Variants in CLASP1 observed in about 807,000 individuals in gnomAD.
CLASP1 encodes cytoplasmic linker associated protein 1.
A neutral mutation model predicts 192.3 loss-of-function variants in CLASP1; 38 were observed. The ratio of observed to expected loss-of-function variants is 0.20; its 90% confidence interval spans 0.15 to 0.26. The LOEUF (loss-of-function observed/expected upper bound fraction) is 0.26, where lower values mean the gene tolerates loss of function less well. Among genes scored for constraint, CLASP1 ranks in the 10% least tolerant of loss-of-function variants. The probability of loss-of-function intolerance (pLI) is 1.00; values close to 1 mark genes in which losing one functional copy is unlikely to be tolerated. For missense variants in CLASP1, 1,433 were observed against 1,932.5 expected, an observed-to-expected ratio of 0.74 and a Z score of 4.85; for synonymous variants, 691 against 712.8, an observed-to-expected ratio of 0.97 and a Z score of 0.49.
At chr2:121,427,080 C>T (rs908644562) in intron 21 of CLASP1, among the ~76,000 whole-genome samples, 3 of 151,682 alleles carry the variant, frequency 2.0e-5, no homozygotes, top group Non-Finnish European at 1.5e-5. Context: ...AAATGAACCA[C>T]GTAGGTGAAT....
chr2:121,578,747 A>T (rs1220416919), intron 2 of CLASP1, among the ~76,000 whole-genome samples: 2 of 151,274 alleles, frequency 1.3e-5, no homozygotes, highest in Non-Finnish European at 2.9e-5. Flanking sequence ...AAAAAAAGTT[A>T]GACCTCTTTT....
intron 9 of CLASP1, among the ~76,000 whole-genome samples, chr2:121,469,023 A>G (rs894092877): frequency 1.1e-4 from 16 of 151,672 alleles, no homozygotes; most frequent in African/African-American, 3.9e-4. Context: ...GGTCCTTTGG[A>G]TGGGGTTTTT....
intron 8 of CLASP1, among the ~76,000 whole-genome samples, chr2:121,471,268 C>T (rs1181424307): frequency 2.6e-5 from 4 of 152,140 alleles, no homozygotes. Flanking sequence ...GGTGACAGAG[C>T]AAGACCCTGT....
chr2:121,558,255 C>T (rs774818160), intron 2 of CLASP1, among the ~76,000 whole-genome samples: 2 of 152,110 alleles, frequency 1.3e-5, no homozygotes, highest in Non-Finnish European at 2.9e-5. Context: ...GCCCAATGGA[C>T]TGGCCTGTCC....
At chr2:121,339,167 ACAC>A (rs1372241870) in exon 40 of CLASP1, 43 of 152,580 alleles carry the variant, frequency 2.8e-4, no homozygotes, top group East Asian at 1.9e-3. Flanking sequence ...ACACACACAC[ACAC>A]GTCAGCACCC....
At chr2:121,452,008 G>C (rs2085585261) in intron 14 of CLASP1, among the ~76,000 whole-genome samples, 159 bp from the exon 15 acceptor site, 2 of 152,108 alleles carry the variant, frequency 1.3e-5, no homozygotes, top group South Asian at 4.1e-4. Flanking sequence ...AATCAGAACT[G>C]ACTAAAAACC....
intron 2 of CLASP1, among the ~76,000 whole-genome samples, chr2:121,557,445 G>A (rs947707034): frequency 8.7e-5 from 13 of 150,188 alleles, no homozygotes; most frequent in Non-Finnish European, 1.8e-4. Context: ...TTAGCTGGGC[G>A]TGGTGGCAGG....
intron 14 of CLASP1, among the ~76,000 whole-genome samples, chr2:121,455,356 A>G (rs1168022641): frequency 6.6e-6 from 1 of 152,226 alleles, no homozygotes; most frequent in Non-Finnish European, 1.5e-5. Flanking sequence ...AACTCTCATG[A>G]TTATTGCAAG....
intron 2 of CLASP1, among the ~76,000 whole-genome samples, chr2:121,550,289 AAAAG>A (rs1487097956): frequency 1.3e-5 from 2 of 152,078 alleles, no homozygotes; most frequent in Admixed American, 1.3e-4. Flanking sequence ...TGCCAACATA[AAAAG>A]AAAGATTTCA....
chr2:121,396,690 T>A (rs992869119), intron 30 of CLASP1, among the ~76,000 whole-genome samples: 7 of 152,232 alleles, frequency 4.6e-5, no homozygotes, highest in African/African-American at 1.7e-4. Context: ...TACTCACATA[T>A]CACACATATA....
intron 22 of CLASP1, among the ~76,000 whole-genome samples, chr2:121,422,597 T>C (rs898014182): frequency 6.6e-6 from 1 of 152,174 alleles, no homozygotes; most frequent in Non-Finnish European, 1.5e-5. Flanking sequence ...CCTAGTCAGA[T>C]AGCTTATGAG....
chr2:121,459,947 T>C, intron 12 of CLASP1, 33 bp downstream of exon 12: 1 of 1,581,848 alleles, frequency 6.3e-7, no homozygotes, highest in South Asian at 1.1e-5. Context: ...GACACTATTT[T>C]ATGGTGAGAA....
At chr2:121,480,430 T>C (rs921660069) in intron 8 of CLASP1, among the ~76,000 whole-genome samples, 2 of 152,106 alleles carry the variant, frequency 1.3e-5, no homozygotes, top group Admixed American at 6.5e-5. Context: ...GCTACATAAC[T>C]TATAACCAGG....
At chr2:121,361,409 A>T (rs909969991) in intron 37 of CLASP1, among the ~76,000 whole-genome samples, 4 of 152,220 alleles carry the variant, frequency 2.6e-5, no homozygotes, top group African/African-American at 9.6e-5. Context: ...ATTATGGTTT[A>T]AAAAAGTTAG....
At chr2:121,599,083 G>A (rs997691247) in intron 2 of CLASP1, among the ~76,000 whole-genome samples, 3 of 151,606 alleles carry the variant, frequency 2.0e-5, no homozygotes, top group African/African-American at 2.4e-5. Flanking sequence ...CAGGCTGGTC[G>A]TGAACTCCTG....
chr2:121,593,507 T>C (rs947793741), intron 2 of CLASP1, among the ~76,000 whole-genome samples: 8 of 151,010 alleles, frequency 5.3e-5, no homozygotes, highest in Non-Finnish European at 1.0e-4. Context: ...TAATCCCAGC[T>C]ACTTGGGAGG....
chr2:121,587,763 G>A (rs569396043), intron 2 of CLASP1, among the ~76,000 whole-genome samples: 3 of 151,802 alleles, frequency 2.0e-5, no homozygotes, highest in East Asian at 1.9e-4. Context: ...CCCGGGAGGC[G>A]GAGGTTACAG....
chr2:121,408,739 C>T (rs995449926), intron 24 of CLASP1, among the ~76,000 whole-genome samples: 5 of 152,064 alleles, frequency 3.3e-5, no homozygotes, highest in South Asian at 2.1e-4. Flanking sequence ...GAAATCATGA[C>T]GACGTAAGAA....
intron 8 of CLASP1, among the ~76,000 whole-genome samples, chr2:121,495,816 GA>G (rs1331860266): frequency 6.6e-6 from 1 of 152,034 alleles, no homozygotes; most frequent in African/African-American, 2.4e-5. Flanking sequence ...TGAGCAACTG[GA>G]GGAGAATCTA....
Sources: gnomAD v4.1 joint callset for allele counts (sites outside exome capture counted in the v4.1 genomes callset) on GRCh38, gnomAD v4.1.1 for gene constraint, MANE v1.5 for transcripts, NCBI Gene and HGNC (gene_info 2026-07-23, HGNC 2026-07-21) for gene names.